Variants in RBPMS observed in about 807,000 individuals in gnomAD.
RBPMS encodes the protein RNA-binding protein with multiple splicing.
In RBPMS, 7 loss-of-function variants were observed where a neutral mutation model predicts 26.8. That is an observed-to-expected ratio of 0.26 (90% CI 0.15 to 0.49). The LOEUF is 0.49. Ranked by LOEUF, RBPMS falls within the 20% of genes least tolerant of loss-of-function variation. RBPMS has a pLI of 0.98. For synonymous variants in RBPMS, 96 were observed against 93.3 expected, an observed-to-expected ratio of 1.03 and a Z score of -0.17; for missense variants, 186 against 250.0, an observed-to-expected ratio of 0.74 and a Z score of 1.73.
At chr8:30,530,073 G>A (rs2979506) in intron 5 of RBPMS, among the ~76,000 whole-genome samples, 77,588 of 152,032 alleles carry the variant, frequency 0.51, 19,899 homozygotes, top group South Asian at 0.64. Flanking sequence ...ATCCCTTTTT[G>A]TGGCTGAATG....
intron 1 of RBPMS, chr8:30,447,012 C>G: frequency 6.6e-6 from 1 of 152,078 alleles, no homozygotes. Context: ...AACAAGAAAG[C>G]AGGAAAAAAG....
chr8:30,566,982 GT>G (rs1563460542), intron 8 of RBPMS, among the ~76,000 whole-genome samples: 1 of 152,100 alleles, frequency 6.6e-6, no homozygotes, highest in African/African-American at 2.4e-5. Context: ...TCCTCAGTTC[GT>G]TAGCTACTAG....
chr8:30,450,147 A>G (rs1814386929), intron 1 of RBPMS, among the ~76,000 whole-genome samples: 1 of 152,238 alleles, frequency 6.6e-6, no homozygotes, highest in African/African-American at 2.4e-5. Context: ...GTATGGGAGA[A>G]TGGATTAAAA....
chr8:30,437,486 C>T (rs181378678), intron 1 of RBPMS, among the ~76,000 whole-genome samples: 1 of 150,920 alleles, frequency 6.6e-6, no homozygotes, highest in Admixed American at 6.6e-5. Context: ...AAAACTCCAT[C>T]TCTACTAAAA....
intron 3 of RBPMS, among the ~76,000 whole-genome samples, chr8:30,478,586 G>A (rs560472887): frequency 3.9e-4 from 58 of 147,792 alleles, no homozygotes; most frequent in African/African-American, 1.3e-3. Flanking sequence ...TGCAACCTCC[G>A]CCTCCCAGGT....
chr8:30,435,898 C>T (rs1359466378), intron 1 of RBPMS, among the ~76,000 whole-genome samples: 2 of 152,188 alleles, frequency 1.3e-5, no homozygotes, highest in Non-Finnish European at 2.9e-5. Flanking sequence ...CTCCAAACTC[C>T]TGGCCTCAGG....
chr8:30,463,901 G>A (rs762281269), intron 1 of RBPMS, among the ~76,000 whole-genome samples: 1 of 152,160 alleles, frequency 6.6e-6, no homozygotes, highest in Non-Finnish European at 1.5e-5. Context: ...GTAATCCCAG[G>A]ACTTGGGGAG....
At chr8:30,484,171 A>C (rs1332908721) in intron 4 of RBPMS, among the ~76,000 whole-genome samples, 1 of 152,118 alleles carries the variant, frequency 6.6e-6, no homozygotes, top group African/African-American at 2.4e-5. Flanking sequence ...AATTTTTTCC[A>C]TAGTGGTTGC....
At chr8:30,409,101 A>G (rs908282248) in intron 1 of RBPMS, among the ~76,000 whole-genome samples, 4 of 151,748 alleles carry the variant, frequency 2.6e-5, no homozygotes, top group Non-Finnish European at 4.4e-5. Flanking sequence ...CTGTTAACAT[A>G]TATTTGGGTT....
intron 2 of RBPMS, 28 bp from the exon 3 acceptor site, chr8:30,477,771 G>A (rs1048114929): frequency 6.4e-7 from 1 of 1,562,446 alleles, no homozygotes; most frequent in South Asian, 1.1e-5. Context: ...GTTACTTTTG[G>A]CTAAACTTGG....
At chr8:30,429,301 C>T (rs993901315) in intron 1 of RBPMS, among the ~76,000 whole-genome samples, 6 of 152,174 alleles carry the variant, frequency 3.9e-5, no homozygotes, top group African/African-American at 9.7e-5. Flanking sequence ...CCTCTTTATA[C>T]AGGAGCCCCT....
In RBPMS at chr8:30,549,466, C is replaced by T. The variant is rs10092627; in HGVS notation, c.528+4842C>T. 1.9e-3 allele frequency: 2,990 copies of T among 1,546,888 alleles called. 64 individuals are homozygous for T. The African/African-American group carries it at 0.036, about 18-fold the overall frequency. ...TTCAGACATAAATGAAATTGTTAAT[C>T]CTCTGACATTTACCTTTTCCTCTCA... On this transcript the variant is annotated intron_variant, in intron 6 of 8. Coordinates refer to ENST00000397323, the MANE Select transcript of RBPMS (RefSeq NM_001008710.3).
At chr8:30,464,785 T>A (rs1816317952) in intron 1 of RBPMS, among the ~76,000 whole-genome samples, 1 of 152,226 alleles carries the variant, frequency 6.6e-6, no homozygotes, top group Non-Finnish European at 1.5e-5. Context: ...AGAATTTTGA[T>A]AAGATCTTTT....
chr8:30,449,612 C>G (rs537309198), intron 1 of RBPMS, among the ~76,000 whole-genome samples: 3 of 152,196 alleles, frequency 2.0e-5, no homozygotes, highest in Non-Finnish European at 4.4e-5. Flanking sequence ...CTCAGGTCAC[C>G]TGCCCACCTC....
intron 1 of RBPMS, among the ~76,000 whole-genome samples, chr8:30,462,017 A>G (rs1815970087): frequency 6.6e-6 from 1 of 152,100 alleles, no homozygotes. Flanking sequence ...TGTTGCTTGT[A>G]TTAGTAGTTT....
intron 5 of RBPMS, among the ~76,000 whole-genome samples, chr8:30,516,205 C>T (rs1474885551): frequency 6.6e-6 from 1 of 152,074 alleles, no homozygotes; most frequent in Non-Finnish European, 1.5e-5. Flanking sequence ...TATGGTGAAA[C>T]CCAATCATTA....
intron 4 of RBPMS, among the ~76,000 whole-genome samples, chr8:30,486,682 A>G (rs1818825419): frequency 6.6e-6 from 1 of 152,122 alleles, no homozygotes; most frequent in Non-Finnish European, 1.5e-5. Flanking sequence ...AAAGAAAGAA[A>G]AGTAGTCGGA....
chr8:30,531,829 A>G (rs1006823988), intron 5 of RBPMS, among the ~76,000 whole-genome samples: 2 of 152,176 alleles, frequency 1.3e-5, no homozygotes, highest in Admixed American at 1.3e-4. Context: ...AAGATAAAAT[A>G]TGGCTATTCA....
intron 5 of RBPMS, among the ~76,000 whole-genome samples, chr8:30,540,624 A>G (rs150877947): frequency 1.7e-4 from 26 of 152,162 alleles, no homozygotes; most frequent in Non-Finnish European, 2.6e-4. Flanking sequence ...GGGTCTCGCT[A>G]TGTTGCCCAA....
Sources: gnomAD v4.1 joint callset for allele counts (sites outside exome capture counted in the v4.1 genomes callset) on GRCh38, gnomAD v4.1.1 for gene constraint, MANE v1.5 for transcripts, NCBI Gene and HGNC (gene_info 2026-07-23, HGNC 2026-07-21) for gene names.